Variants in GARRE1 observed in about 807,000 individuals in gnomAD.
The protein encoded by GARRE1 is granule associated Rac and RHOG effector 1.
Under a neutral mutation model 103.2 loss-of-function variants are expected in GARRE1, and 49 were observed. The ratio of observed to expected loss-of-function variants is 0.47; its 90% CI spans 0.38 to 0.60. The LOEUF is 0.60. Ranked by LOEUF, GARRE1 falls within the 20% of genes least tolerant of loss-of-function variation. The pLI is 0.00. For missense variants in GARRE1, 1,199 were observed against 1,370.5 expected (o/e 0.87, Z 1.98); for synonymous variants, 505 against 532.8 (o/e 0.95, Z 0.72).
At chr19:34,279,393 C>CT (rs1335669392) in intron 1 of GARRE1, among the ~76,000 whole-genome samples, 1 of 152,010 alleles carries the variant, frequency 6.6e-6, no homozygotes, top group African/African-American at 2.4e-5. Context: ...GCAACCTGTG[C>CT]TTCCCGGGCT....
Position 34,320,104 on chromosome 19 carries a change from G to A in GARRE1, c.693G>A (p.Arg231=). The A allele has an allele frequency of 2.5e-6, 4 of 1,613,774 alleles. No individual in the cohort carries two copies. The highest frequency in any genetic ancestry group is 3.4e-6 in the Non-Finnish European group (4 of 1,179,980). ...TAGAGGAAGCTGTGCGGTCCTGGCG[G>A]GGGGCTGCTGAGGTAACCCTGGCTT... ...PEVEEAVRSW[R]GAAEATSRLR... is the part of the protein sequence containing the mutation. The change falls in exon 3 of 14, where the codon CGG becomes CGA. Residue 231 remains arginine (R), a synonymous_variant. Coordinates refer to ENST00000299505, the MANE Select transcript of GARRE1 (RefSeq NM_014686.5).
chr19:34,320,778 G>A (rs2074083707), intron 3 of GARRE1, among the ~76,000 whole-genome samples: 1 of 150,400 alleles, frequency 6.6e-6, no homozygotes, highest in African/African-American at 2.4e-5. Flanking sequence ...CTGAAGTGCA[G>A]TGCTGCGATC....
At chr19:34,346,339 C>G (rs1030322217) in intron 10 of GARRE1, among the ~76,000 whole-genome samples, 1 of 152,174 alleles carries the variant, frequency 6.6e-6, no homozygotes, top group Non-Finnish European at 1.5e-5. Flanking sequence ...CCCCGTTCAG[C>G]ATTGCCAGTG....
chr19:34,262,585 C>T (rs1422884730), intron 1 of GARRE1, among the ~76,000 whole-genome samples: 2 of 152,048 alleles, frequency 1.3e-5, no homozygotes, highest in African/African-American at 4.8e-5. Context: ...CGTGAGTCAC[C>T]TCGCCTGGCC....
At position 34,300,668 on chromosome 19, in the gene GARRE1, T is replaced by C. The variant is rs1259116374; in HGVS notation, c.195T>C (p.His65=). 1.2e-6 allele frequency: 2 copies of C among 1,614,010 alleles called. No homozygotes were observed. The highest frequency in any genetic ancestry group is 1.7e-6 in the Non-Finnish European group (2 of 1,180,012). The part of the protein sequence containing the change: ...GSLTAAGSCH[H]AMPHTTPIAD... ...TGACCGCTGCAGGCAGCTGCCACCA[T>C]GCCATGCCCCACACTACTCCTATCG... The change falls in exon 2 of 14, where the codon CAT becomes CAC. Residue 65 remains histidine, a synonymous_variant. Transcript: ENST00000299505.
chr19:34,297,512 A>T (rs1599761257), intron 1 of GARRE1, among the ~76,000 whole-genome samples: 1 of 152,186 alleles, frequency 6.6e-6, no homozygotes, highest in Non-Finnish European at 1.5e-5. Context: ...AGCCAGAGGC[A>T]GCCGCGGTAG....
chr19:34,268,124 CT>C (rs905714076), intron 1 of GARRE1, among the ~76,000 whole-genome samples: 5 of 151,902 alleles, frequency 3.3e-5, no homozygotes, highest in African/African-American at 7.3e-5. Flanking sequence ...TTTTCACCCC[CT>C]GATTTACACT....
chr19:34,267,460 C>T (rs1379484813), intron 1 of GARRE1, among the ~76,000 whole-genome samples: 2 of 152,026 alleles, frequency 1.3e-5, no homozygotes, highest in African/African-American at 4.8e-5. Context: ...CCTACCTTGG[C>T]CTCCCAAAGT....
chr19:34,326,319 C>G (rs988345826), intron 3 of GARRE1, among the ~76,000 whole-genome samples: 6 of 152,284 alleles, frequency 3.9e-5, no homozygotes, highest in African/African-American at 1.2e-4. Context: ...CCCAGCAGAA[C>G]AAAAGCTAAC....
At chr19:34,323,756 C>T (rs951157729) in intron 3 of GARRE1, among the ~76,000 whole-genome samples, 5 of 152,162 alleles carry the variant, frequency 3.3e-5, no homozygotes, top group Non-Finnish European at 7.3e-5. Context: ...GTCCCCTGCT[C>T]CATCTTCTAG....
chr19:34,284,021 G>A (rs866929907), intron 1 of GARRE1, among the ~76,000 whole-genome samples: 2 of 150,840 alleles, frequency 1.3e-5, no homozygotes, highest in Non-Finnish European at 3.0e-5. Context: ...TAGTAGAGAC[G>A]GGGTTTCACC....
At chr19:34,314,791 CT>C (rs1216871736) in intron 2 of GARRE1, among the ~76,000 whole-genome samples, 1 of 152,106 alleles carries the variant, frequency 6.6e-6, no homozygotes, top group African/African-American at 2.4e-5. Flanking sequence ...AAGCCTGTTT[CT>C]TACATTTTTC....
intron 1 of GARRE1, among the ~76,000 whole-genome samples, chr19:34,288,495 C>A (rs752349751): frequency 1.2e-4 from 18 of 152,184 alleles, no homozygotes; most frequent in Non-Finnish European, 2.4e-4. Context: ...CTGGGCAGAA[C>A]CATACAACAC....
intron 1 of GARRE1, among the ~76,000 whole-genome samples, chr19:34,270,065 T>C (rs1277177533): frequency 1.3e-5 from 2 of 152,234 alleles, no homozygotes; most frequent in African/African-American, 4.8e-5. Context: ...TGCTCGGTGA[T>C]TTGTGTTCAG....
chr19:34,331,014 C>T (rs1444302966), intron 7 of GARRE1, among the ~76,000 whole-genome samples: 1 of 151,616 alleles, frequency 6.6e-6, no homozygotes, highest in Non-Finnish European at 1.5e-5. Context: ...ATTCTCCTCC[C>T]TCGGCTTCCC....
intron 1 of GARRE1, among the ~76,000 whole-genome samples, chr19:34,294,089 G>T (rs2073933750): frequency 6.6e-6 from 1 of 151,882 alleles, no homozygotes; most frequent in Admixed American, 6.6e-5. Context: ...TAAATTATGT[G>T]CTTCTAAATT....
At chr19:34,350,688 T>G (rs1450625249) in intron 12 of GARRE1, among the ~76,000 whole-genome samples, 2 of 152,044 alleles carry the variant, frequency 1.3e-5, no homozygotes, top group Non-Finnish European at 2.9e-5. Flanking sequence ...TTCACGCCAT[T>G]CTCCTGCCTC....
At chr19:34,301,715 C>T (rs2073980103) in intron 2 of GARRE1, among the ~76,000 whole-genome samples, 1 of 148,352 alleles carries the variant, frequency 6.7e-6, no homozygotes. Context: ...CGGAGTCCTG[C>T]TCCGTCGCCC....
At chr19:34,347,836 G>A (rs780285705) in intron 10 of GARRE1, 41 bp from the exon 11 acceptor site, 3 of 1,471,542 alleles carry the variant, frequency 2.0e-6, no homozygotes, top group Admixed American at 2.3e-5. Flanking sequence ...CAAGAGGCCA[G>A]TTTGTCCCCA....
Sources: allele counts gnomAD v4.1 joint callset (sites outside exome capture counted in the v4.1 genomes callset), GRCh38; gene constraint gnomAD v4.1.1; transcripts MANE v1.5; gene names NCBI Gene and HGNC (gene_info 2026-07-23, HGNC 2026-07-21).